The following COLGALT2 variants were observed in gnomAD, a reference collection of about 807,000 sequenced individuals.
COLGALT2 encodes collagen beta(1-O)galactosyltransferase 2, also known as procollagen galactosyltransferase 2.
Under a neutral mutation model 73.4 loss-of-function variants are expected in COLGALT2, and 49 were observed. The observed-to-expected ratio is 0.67, with a 90% CI of 0.53 to 0.85. The LOEUF is 0.85. Among genes scored for constraint, COLGALT2 ranks in the 40% least tolerant of loss-of-function variants. COLGALT2 has a pLI of 0.00. For synonymous variants in COLGALT2, 295 were observed against 307.6 expected (o/e 0.96, Z 0.43); for missense variants, 722 against 790.2 (o/e 0.91, Z 1.03).
At chr1:183,953,369 C>T (rs888431884) in intron 7 of COLGALT2, among the ~76,000 whole-genome samples, 1 of 152,156 alleles carries the variant, frequency 6.6e-6, no homozygotes, top group Non-Finnish European at 1.5e-5. Flanking sequence ...TGGAGTTGGC[C>T]TTCTCCTGAA....
intron 1 of COLGALT2, among the ~76,000 whole-genome samples, chr1:184,004,445 T>G (rs1302962925): frequency 6.6e-6 from 1 of 152,270 alleles, no homozygotes; most frequent in Non-Finnish European, 1.5e-5. Flanking sequence ...CAGAGTGATC[T>G]ACATCTTTAA....
intron 1 of COLGALT2, among the ~76,000 whole-genome samples, chr1:183,978,982 G>A (rs1035374633): frequency 2.0e-5 from 3 of 152,108 alleles, no homozygotes; most frequent in African/African-American, 7.2e-5. Context: ...TTTTCTGACC[G>A]CAGCAAAATA....
rs1209572149 is a variant in COLGALT2 at position 184,019,010 on chromosome 1, T to C, written c.263+18085A>G. 3.3e-5 allele frequency among the ~76,000 whole-genome samples: 5 copies of C among 152,226 alleles called. No homozygotes were observed. In the East Asian group the frequency reaches 9.6e-4, roughly 29 times the overall value. On this transcript the variant is annotated intron_variant, in intron 1 of 11. Coordinates refer to ENST00000361927, the MANE Select transcript of COLGALT2 (RefSeq NM_015101.4). Reference sequence around the variant, plus strand: ...TTGCAAACATCTTGAGTTTCAACACTTGAATTTGAACGGCTGAGGACCTTT... The same window carrying C: ...TTGCAAACATCTTGAGTTTCAACACCTGAATTTGAACGGCTGAGGACCTTT...
chr1:184,022,995 A>G (rs1167189757), intron 1 of COLGALT2, among the ~76,000 whole-genome samples: 1 of 152,184 alleles, frequency 6.6e-6, no homozygotes, highest in Non-Finnish European at 1.5e-5. Flanking sequence ...GGGATGAGGG[A>G]GTCAGCCAAA....
At chr1:183,946,196 T>C (rs1233117178) in intron 8 of COLGALT2, 1 of 152,354 alleles carries the variant, frequency 6.6e-6, no homozygotes, top group Non-Finnish European at 1.5e-5. Flanking sequence ...TGAACAGCAC[T>C]ATCTGCAGGT....
intron 1 of COLGALT2, among the ~76,000 whole-genome samples, chr1:184,031,817 A>ATCCTTCCTTCCTTCCT (rs57492822): frequency 0.028 from 3,955 of 139,236 alleles, 85 homozygotes; most frequent in African/African-American, 0.035. Context: ...CCATGAATGT[A>ATCCTTCCTTCCTTCCT]TCCTTCCTTC....
At chr1:183,968,656 AT>A (rs10706412) in intron 5 of COLGALT2, among the ~76,000 whole-genome samples, 29,614 of 152,186 alleles carry the variant, frequency 0.19, 2,955 homozygotes, top group Admixed American at 0.24. Context: ...GAAGTACTGC[AT>A]TCAACTTCTG....
chr1:183,966,225 A>C (rs2102809718), intron 5 of COLGALT2, among the ~76,000 whole-genome samples: 1 of 152,322 alleles, frequency 6.6e-6, no homozygotes, highest in East Asian at 1.9e-4. Context: ...ATGTATTAAT[A>C]ATTAGATAAA....
intron 6 of COLGALT2, among the ~76,000 whole-genome samples, chr1:183,961,952 C>T (rs953754702): frequency 2.6e-5 from 4 of 152,086 alleles, no homozygotes; most frequent in African/African-American, 9.7e-5. Context: ...ATCATTTCAT[C>T]ATCATTCATT....
intron 1 of COLGALT2, among the ~76,000 whole-genome samples, chr1:184,034,756 T>A (rs1457385519): frequency 6.6e-6 from 1 of 152,248 alleles, no homozygotes; most frequent in Non-Finnish European, 1.5e-5. Context: ...CTTATTATTA[T>A]GTGTGGAATT....
intron 10 of COLGALT2, among the ~76,000 whole-genome samples, chr1:183,942,092 G>A (rs955833582): frequency 1.3e-5 from 2 of 151,984 alleles, no homozygotes; most frequent in Admixed American, 6.6e-5. Flanking sequence ...GGGACTACAG[G>A]AGCCCGCCAC....
chr1:183,930,569 C>CTTTTTTTTTTTTTTTTTTTTTTTTTTTT (rs397861890), intron 11 of COLGALT2, among the ~76,000 whole-genome samples: 2 of 114,066 alleles, frequency 1.8e-5, no homozygotes, highest in Non-Finnish European at 3.5e-5. Context: ...TTTTCTTTTT[C>CTTTTTTTTTTTTTTTTTTTTTTTTTTTT]TTTTTTTTTT....
chr1:183,946,765 C>G (rs542789818), intron 8 of COLGALT2: 10 of 152,324 alleles, frequency 6.6e-5, no homozygotes, highest in Non-Finnish European at 1.3e-4. Flanking sequence ...GGAGTGGTGG[C>G]TCACGCCTGT....
At chr1:184,020,538 G>A (rs1286170821) in intron 1 of COLGALT2, among the ~76,000 whole-genome samples, 1 of 152,010 alleles carries the variant, frequency 6.6e-6, no homozygotes, top group Non-Finnish European at 1.5e-5. Context: ...ATCTTGACAA[G>A]ATGGCTCTTT....
Position 183,938,469 on chromosome 1 carries a change from C to G in COLGALT2, c.*292G>C. ...TGTTGTTCAACCTTAATGTGGGAAT[C>G]AGTATCACATGAGTAGTGAACTGAA... On this transcript the variant is annotated 3_prime_UTR_variant, in exon 12 of 12. Transcript: ENST00000361927. 1 of 1,226,348 alleles carries G rather than the reference C, an allele frequency of 8.2e-7. No homozygotes were observed. Among genetic ancestry groups the G allele is most frequent in the Non-Finnish European group, 1.0e-6 (1 of 977,038 alleles). 76.0% of individuals were successfully genotyped at this position (1,226,348 alleles called of 1,614,324 possible). A position where few individuals can be genotyped will look rare whatever the true frequency, so the allele number is the denominator to read the frequency against.
At chr1:183,932,097 C>CTGTG (rs138366690), downstream of COLGALT2, among the ~76,000 whole-genome samples, 1 of 151,458 alleles carries the variant, frequency 6.6e-6, no homozygotes, top group East Asian at 1.9e-4. Flanking sequence ...ATGTATCAGG[C>CTGTG]TGTGTGTGTG....
At chr1:184,011,507 A>G (rs1648787052) in intron 1 of COLGALT2, among the ~76,000 whole-genome samples, 1 of 152,196 alleles carries the variant, frequency 6.6e-6, no homozygotes, top group Non-Finnish European at 1.5e-5. Context: ...TCTGCTACAT[A>G]GGAAACCCAG....
intron 11 of COLGALT2, among the ~76,000 whole-genome samples, chr1:183,930,593 A>AT (rs1439507048): frequency 4.1e-4 from 34 of 83,642 alleles, no homozygotes; most frequent in Middle Eastern, 0.011. Context: ...TTTTTTTTGT[A>AT]TTTTTTATAC....
intron 1 of COLGALT2, among the ~76,000 whole-genome samples, chr1:184,028,913 C>T (rs998016312): frequency 1.3e-5 from 2 of 152,210 alleles, no homozygotes; most frequent in African/African-American, 4.8e-5. Context: ...CAGGCCTTAG[C>T]TTGCTGAATT....
Sources: allele counts gnomAD v4.1 joint callset (sites outside exome capture counted in the v4.1 genomes callset), GRCh38; gene constraint gnomAD v4.1.1; transcripts MANE v1.5; gene names NCBI Gene and HGNC (gene_info 2026-07-23, HGNC 2026-07-21).